The following ROBO1 variants were observed in gnomAD, a reference collection of about 807,000 sequenced individuals.
The protein encoded by ROBO1 is roundabout guidance receptor 1, also known as roundabout homolog 1.
ROBO1 carries 149 observed loss-of-function variants against 195.9 expected under a neutral mutation model. The observed-to-expected ratio is 0.76, with a 90% CI of 0.67 to 0.87. The LOEUF is 0.87. Among genes scored for constraint, ROBO1 ranks in the 40% least tolerant of loss-of-function variants. The pLI is 0.00. For synonymous variants in ROBO1, 816 were observed against 733.2 expected (o/e 1.11, Z -1.82); for missense variants, 1,933 against 2,068.3 (o/e 0.93, Z 1.27).
chr3:79,603,448 G>A (rs894403049), intron 1 of ROBO1, among the ~76,000 whole-genome samples: 2 of 151,944 alleles, frequency 1.3e-5, no homozygotes, highest in Non-Finnish European at 2.9e-5. Context: ...ACCCCTCTGT[G>A]ACTCTGCTTA....
At position 78,661,023 on chromosome 3, in the gene ROBO1, T is replaced by C. The variant is rs1707364603; in HGVS notation, c.2320+7A>G. ...TGCATGGAAATCAAACGCTTCATCA[T>C]ACTTGCCTTCTTCCAGGGTTTTGGC... On this transcript the variant is annotated splice_region_variant and intron_variant, in intron 16 of 30. Transcript: ENST00000464233. The C allele has an allele frequency of 1.9e-6, 3 of 1,597,128 alleles. No homozygotes were observed. Among genetic ancestry groups the C allele is most frequent in the African/African-American group, 1.3e-5 (1 of 74,566 alleles).
At chr3:78,879,982 T>C (rs1189112802) in intron 4 of ROBO1, among the ~76,000 whole-genome samples, 1 of 152,152 alleles carries the variant, frequency 6.6e-6, no homozygotes, top group Non-Finnish European at 1.5e-5. Flanking sequence ...AAGACAATCA[T>C]TACTCCACAG....
chr3:79,539,411 G>T (rs1244663794), intron 2 of ROBO1, among the ~76,000 whole-genome samples: 3 of 152,050 alleles, frequency 2.0e-5, no homozygotes, highest in African/African-American at 7.2e-5. Flanking sequence ...TTTTAAAAAA[G>T]ACTTTTGGGT....
chr3:78,990,325 C>T (rs1237469842), intron 3 of ROBO1, among the ~76,000 whole-genome samples: 1 of 152,110 alleles, frequency 6.6e-6, no homozygotes, highest in African/African-American at 2.4e-5. Flanking sequence ...AGCATTTAAA[C>T]AGGAGAGCTG....
chr3:79,477,002 C>T (rs1938576791), intron 2 of ROBO1, among the ~76,000 whole-genome samples: 1 of 151,804 alleles, frequency 6.6e-6, no homozygotes, highest in African/African-American at 2.4e-5. Context: ...TAAATATGTG[C>T]TTTTTTATTA....
intron 2 of ROBO1, among the ~76,000 whole-genome samples, chr3:79,484,588 T>C (rs1285236758): frequency 1.3e-5 from 2 of 151,910 alleles, no homozygotes; most frequent in African/African-American, 2.4e-5. Context: ...TCTTTTACAA[T>C]TTAGAAGCCA....
intron 1 of ROBO1, among the ~76,000 whole-genome samples, chr3:79,750,366 C>T (rs1181751368): frequency 6.6e-6 from 1 of 152,114 alleles, no homozygotes; most frequent in Non-Finnish European, 1.5e-5. Flanking sequence ...GGACTGTGGA[C>T]TTTTGAGTTA....
intron 2 of ROBO1, among the ~76,000 whole-genome samples, chr3:79,360,608 T>C (rs1158325382): frequency 4.6e-5 from 7 of 152,082 alleles, no homozygotes; most frequent in Non-Finnish European, 8.8e-5. Flanking sequence ...TATTTAGGGC[T>C]AAGTAAGTTT....
intron 3 of ROBO1, among the ~76,000 whole-genome samples, chr3:79,050,747 T>C (rs991577760): frequency 7.2e-5 from 11 of 152,140 alleles, no homozygotes; most frequent in African/African-American, 2.4e-4. Context: ...AACTCAGGAT[T>C]AAGAAACTCA....
intron 2 of ROBO1, among the ~76,000 whole-genome samples, chr3:79,158,658 A>C (rs1219375907): frequency 6.6e-6 from 1 of 151,786 alleles, no homozygotes; most frequent in African/African-American, 2.4e-5. Context: ...TTTTCAAGAT[A>C]ATAAACACCT....
intron 14 of ROBO1, among the ~76,000 whole-genome samples, chr3:78,663,955 T>C (rs766551600): frequency 5.3e-5 from 8 of 152,146 alleles, no homozygotes; most frequent in Non-Finnish European, 1.0e-4. Flanking sequence ...ACTGCCATGA[T>C]CTGCATCCCA....
chr3:79,329,260 G>A (rs779977945), intron 2 of ROBO1, among the ~76,000 whole-genome samples: 1 of 152,148 alleles, frequency 6.6e-6, no homozygotes, highest in South Asian at 2.1e-4. Flanking sequence ...CTACTCTAAA[G>A]CTTTACTAAT....
intron 2 of ROBO1, among the ~76,000 whole-genome samples, chr3:79,232,254 A>T (rs1275231366): frequency 3.4e-5 from 5 of 146,682 alleles, no homozygotes; most frequent in Non-Finnish European, 7.4e-5. Context: ...ATTTAAAAAA[A>T]AAAAAAATAT....
At chr3:79,067,434 A>G (rs1304270599) in intron 3 of ROBO1, among the ~76,000 whole-genome samples, 1 of 151,958 alleles carries the variant, frequency 6.6e-6, no homozygotes, top group Non-Finnish European at 1.5e-5. Context: ...TAATTATTGC[A>G]TAGGCTAGTA....
At chr3:79,363,438 C>G (rs193250055) in intron 2 of ROBO1, among the ~76,000 whole-genome samples, 1 of 151,918 alleles carries the variant, frequency 6.6e-6, no homozygotes, top group South Asian at 2.1e-4. Flanking sequence ...TTTATGATAC[C>G]AGGATTTTAA....
At chr3:79,511,409 ACTT>A (rs1559954211) in intron 2 of ROBO1, among the ~76,000 whole-genome samples, 1 of 152,172 alleles carries the variant, frequency 6.6e-6, no homozygotes, top group African/African-American at 2.4e-5. Flanking sequence ...AAATTTCTCT[ACTT>A]ACTTTCTACT....
chr3:78,647,651 C>T lies in ROBO1; in HGVS notation c.2817G>A (p.Pro939=), dbSNP rs188335897. 183 of 1,611,048 alleles carry T rather than the reference C, an allele frequency of 1.1e-4. 3 individuals are homozygous for T. Among genetic ancestry groups the T allele is most frequent in the South Asian group, 1.0e-3 (93 of 91,000 alleles). Residue 939 remains proline, a synonymous_variant, in exon 20 of 31, where the codon CCG becomes CCA. Transcript: ENST00000464233. ...TACCTGTTGGTGTGAAGGTAAAAGA[C>T]GGGACTGAAAAATCAAAACAAAATA... ...TSTYAGIRKV[P]SFTFTPTVTY... is the part of the protein sequence containing the mutation.
chr3:78,942,921 T>C (rs1017068392), intron 3 of ROBO1, among the ~76,000 whole-genome samples: 1 of 151,642 alleles, frequency 6.6e-6, no homozygotes, highest in Non-Finnish European at 1.5e-5. Context: ...CTAAAAAGTT[T>C]ATTTTTTTTT....
intron 2 of ROBO1, among the ~76,000 whole-genome samples, chr3:79,454,966 G>C (rs914858771): frequency 2.6e-5 from 4 of 152,092 alleles, no homozygotes; most frequent in African/African-American, 9.7e-5. Context: ...AGCAAAACTA[G>C]TTTTCAGAGG....
Sources: gnomAD v4.1 joint callset for allele counts (sites outside exome capture counted in the v4.1 genomes callset) on GRCh38, gnomAD v4.1.1 for gene constraint, MANE v1.5 for transcripts, NCBI Gene and HGNC (gene_info 2026-07-23, HGNC 2026-07-21) for gene names.